The following FXYD6 variants were observed in gnomAD, a reference collection of about 807,000 sequenced individuals.
FXYD6 encodes the protein FXYD domain containing ion transport regulator 6, also known as FXYD domain-containing ion transport regulator 6.
Under a neutral mutation model 16.7 loss-of-function variants are expected in FXYD6, and 7 were observed. The ratio of observed to expected loss-of-function variants is 0.42; its 90% CI spans 0.24 to 0.79. The LOEUF is 0.79. Among genes scored for constraint, FXYD6 ranks in the 30% least tolerant of loss-of-function variants. FXYD6 has a pLI of 0.28. For synonymous variants in FXYD6, 49 were observed against 43.0 expected, an observed-to-expected ratio of 1.14 and a Z score of -0.54; for missense variants, 111 against 116.2, an observed-to-expected ratio of 0.95 and a Z score of 0.21.
At chr11:117,869,459 C>T (rs752896747) in intron 1 of FXYD6, among the ~76,000 whole-genome samples, 58 of 152,338 alleles carry the variant, frequency 3.8e-4, no homozygotes, top group Non-Finnish European at 7.1e-4. Flanking sequence ...AAGAGGGGCA[C>T]TCCCACTGCG....
chr11:117,855,547 A>G (rs1195336590), intron 1 of FXYD6, among the ~76,000 whole-genome samples: 4 of 152,102 alleles, frequency 2.6e-5, no homozygotes, highest in African/African-American at 9.7e-5. Flanking sequence ...GTGACCACAC[A>G]TTCCTTTCTC....
chr11:117,847,636 T>C (rs759965080), intron 1 of FXYD6, among the ~76,000 whole-genome samples: 5 of 151,740 alleles, frequency 3.3e-5, no homozygotes, highest in Admixed American at 1.3e-4. Flanking sequence ...GTCCTTATGA[T>C]AGTTTTCTGA....
chr11:117,856,903 C>T (rs2056740654), intron 1 of FXYD6, among the ~76,000 whole-genome samples: 1 of 152,162 alleles, frequency 6.6e-6, no homozygotes, highest in Admixed American at 6.5e-5. Context: ...ATTTCCCACT[C>T]TTGACTGCTG....
At chr11:117,868,820 C>T (rs1273850952) in intron 1 of FXYD6, 8 of 152,098 alleles carry the variant, frequency 5.3e-5, no homozygotes, top group East Asian at 1.9e-4. Flanking sequence ...ATAGTCTATT[C>T]GTAGAAAAAT....
At chr11:117,871,509 T>C (rs1269036328) in intron 1 of FXYD6, among the ~76,000 whole-genome samples, 2 of 152,198 alleles carry the variant, frequency 1.3e-5, no homozygotes. Context: ...AGGTGTGTGC[T>C]CTCAAGGAAG....
chr11:117,841,170 A>C lies in FXYD6; in HGVS notation c.187T>G (p.Cys63Gly). 2 of 1,613,962 alleles carry C rather than the reference A, an allele frequency of 1.2e-6. No individual in the cohort carries two copies. The highest frequency in any genetic ancestry group is 1.7e-6 in the Non-Finnish European group (2 of 1,179,972). Residue 63 changes from cysteine (C) to glycine (G), a missense_variant, in exon 5 of 8, where the codon TGC becomes GGC. Physicochemically the swap from Cys to Gly is radical, Grantham distance 159 (BLOSUM62 -3). Coordinates refer to ENST00000526014, the MANE Select transcript of FXYD6 (RefSeq NM_022003.4). ...ILLILSRRCK[C>G]SFNQKPRAPG... ...TACCGGGGCTTCTGATTGAAACTGC[A>C]CTTGCACCTGCGACCTGAAAAGCAA... is the stretch of plus-strand genomic sequence containing the variant.
chr11:117,871,448 G>C (rs1159460057), intron 1 of FXYD6, among the ~76,000 whole-genome samples: 4 of 151,906 alleles, frequency 2.6e-5, no homozygotes, highest in Non-Finnish European at 5.9e-5. Flanking sequence ...AGGCGGTGCA[G>C]TGGAGCGGGC....
intron 5 of FXYD6, among the ~76,000 whole-genome samples, chr11:117,840,639 G>A (rs948753288): frequency 3.9e-5 from 6 of 152,178 alleles, no homozygotes; most frequent in Non-Finnish European, 7.4e-5. Flanking sequence ...GGTGTGTCCT[G>A]CCACACGCTT....
chr11:117,857,183 T>C (rs369352287), intron 1 of FXYD6, among the ~76,000 whole-genome samples: 43 of 152,252 alleles, frequency 2.8e-4, no homozygotes, highest in African/African-American at 9.6e-4. Context: ...GATGGAATCA[T>C]GTCTAGAATG....
chr11:117,841,294 A>T, intron 4 of FXYD6, 110 bp from the exon 5 acceptor site: 1 of 1,458,152 alleles, frequency 6.9e-7, no homozygotes, highest in Non-Finnish European at 9.4e-7. Flanking sequence ...AGACCTGGGC[A>T]GTGCACAGTT....
At chr11:117,858,693 TTCTTTC>T (rs1565323631) in intron 1 of FXYD6, among the ~76,000 whole-genome samples, 4 of 67,396 alleles carry the variant, frequency 5.9e-5, no homozygotes, top group African/African-American at 2.7e-4. Context: ...CTTTCTTTCT[TTCTTTC>T]TTTCTCTCTC....
chr11:117,860,326 GT>G, intron 1 of FXYD6, among the ~76,000 whole-genome samples: 1 of 152,296 alleles, frequency 6.6e-6, no homozygotes, highest in African/African-American at 2.4e-5. Flanking sequence ...CTGCCACCCT[GT>G]TTTCTCATTC....
chr11:117,853,284 G>A (rs2056648156), intron 1 of FXYD6, among the ~76,000 whole-genome samples: 1 of 152,176 alleles, frequency 6.6e-6, no homozygotes, highest in Admixed American at 6.5e-5. Context: ...CTTTTTCATG[G>A]AGGCTGGGGG....
chr11:117,841,292 G>T (rs2056337325), intron 4 of FXYD6, 108 bp from the exon 5 acceptor site: 11 of 1,471,242 alleles, frequency 7.5e-6, no homozygotes, highest in Non-Finnish European at 9.3e-6. Context: ...CTAGACCTGG[G>T]CAGTGCACAG....
Position 117,872,909 on chromosome 11 carries a change from G to GC in FXYD6, c.-6+3682dup, listed in dbSNP as rs1428825663. On this transcript the variant is annotated intron_variant, in intron 1 of 7. Transcript: ENST00000526014. This position sits in a 1 kb window ranked among gnomAD's most constrained non-coding sequence, Gnocchi z 4.9. Reference sequence around the variant, plus strand: ...TGTCAGAGCACTGTGTTCCCGACCGGCCCCTCTCGTTGCAACTCTCCAGCT... The same window carrying GC: ...TGTCAGAGCACTGTGTTCCCGACCGGCCCCCTCTCGTTGCAACTCTCCAGCT... Among the ~76,000 whole-genome samples the GC allele has an allele frequency of 1.3e-5, 2 of 152,174 alleles. No homozygotes were observed. Among genetic ancestry groups the GC allele is most frequent in the East Asian group, 3.9e-4 (2 of 5,194 alleles).
chr11:117,862,423 G>T (rs2056927517), intron 1 of FXYD6, among the ~76,000 whole-genome samples: 1 of 152,220 alleles, frequency 6.6e-6, no homozygotes, highest in African/African-American at 2.4e-5. Context: ...AAATGCACCA[G>T]GGCAGGGTAT....
chr11:117,867,699 A>G (rs2057040469), intron 1 of FXYD6, among the ~76,000 whole-genome samples: 1 of 152,284 alleles, frequency 6.6e-6, no homozygotes, highest in African/African-American at 2.4e-5. Flanking sequence ...AAGATGGTCT[A>G]CGTTCCATCT....
chr11:117,847,238 T>C (rs1251067416), intron 1 of FXYD6, among the ~76,000 whole-genome samples: 1 of 152,244 alleles, frequency 6.6e-6, no homozygotes, highest in Non-Finnish European at 1.5e-5. Flanking sequence ...TCCCGAATTA[T>C]TTGTAATAAC....
intron 1 of FXYD6, among the ~76,000 whole-genome samples, chr11:117,860,667 C>G (rs1316835185): frequency 2.6e-5 from 4 of 152,196 alleles, no homozygotes; most frequent in Admixed American, 2.0e-4. Flanking sequence ...GCAGAATCTG[C>G]CAGTCCGTTC....
Sources: gnomAD v4.1 joint callset for allele counts (sites outside exome capture counted in the v4.1 genomes callset) on GRCh38, gnomAD v4.1.1 for gene constraint, Gnocchi (gnomAD v3.1) non-coding constraint, MANE v1.5 for transcripts, NCBI Gene and HGNC (gene_info 2026-07-23, HGNC 2026-07-21) for gene names.